The following FAM186B variants were observed in gnomAD, a reference collection of about 807,000 sequenced individuals.
The protein encoded by FAM186B is family with sequence similarity 186 member B.
FAM186B carries 68 observed loss-of-function variants against 83.4 expected under a neutral mutation model. The observed-to-expected ratio is 0.81, with a 90% confidence interval of 0.67 to 1.00. The LOEUF is 1.00. Among genes scored for constraint, FAM186B ranks in the 50% least tolerant of loss-of-function variants. The probability of loss-of-function intolerance (pLI) is 0.00; values close to 1 mark genes in which losing one functional copy is unlikely to be tolerated. For missense variants in FAM186B, 983 were observed against 1,099.2 expected (o/e 0.89, Z 1.49); for synonymous variants, 389 against 422.0 (o/e 0.92, Z 0.96).
rs150528924 is a variant in FAM186B at position 49,587,661 on chromosome 12, G to A, written c.2626C>T (p.Arg876Trp). The A allele has an allele frequency of 9.9e-5, 160 of 1,613,606 alleles. 1 individual carries two copies. The Middle Eastern group carries it at 1.6e-3, about 17-fold the overall frequency. The part of the protein sequence containing the change: ...IEKKTPASLP[R>W]DQLRGHPDIP... Reference sequence around the variant, plus strand: ...TCTGGGTGTCCCCTCAGCTGGTCCCGGGGAAGGCTGGCAGGGGTCTTTTTT... The same window carrying A: ...TCTGGGTGTCCCCTCAGCTGGTCCCAGGGAAGGCTGGCAGGGGTCTTTTTT... The change falls in exon 7 of 7, where the codon CGG becomes TGG. Residue 876 changes from arginine to tryptophan, a missense_variant. Transcript: ENST00000257894.
In FAM186B at chr12:49,599,804, A is replaced by G; in HGVS notation, c.1836T>C (p.Ser612=). The G allele has an allele frequency of 2.5e-6, 4 of 1,613,454 alleles. No homozygotes were observed. In the South Asian group the frequency reaches 3.3e-5, roughly 13 times the overall value. The change falls in exon 4 of 7, where the codon AGT becomes AGC. Residue 612 remains serine, a synonymous_variant. Coordinates refer to ENST00000257894, the MANE Select transcript of FAM186B (RefSeq NM_032130.3). The part of the protein sequence containing the change: ...QPALGKQRPM[S]SVEFTYRPRT... ...GTGGTCTGTAGGTAAACTCCACTGA[A>G]CTCATAGGTCTCTGCTTTCCCAGGG...
Position 49,604,311 on chromosome 12 carries a change from AC to A in FAM186B, c.322+1del. ...GGCACGGTGCCCAGCCTGCAAACTC[AC>A]CCCAGTCACCCAGCCAGCGGAGAAT... is the stretch of plus-strand genomic sequence containing the variant. On this transcript the variant is annotated splice_donor_variant, in intron 2 of 6. Transcript: ENST00000257894. LOFTEE classifies it high-confidence loss of function. 1 of 1,611,992 alleles carries A rather than the reference AC, an allele frequency of 6.2e-7. No homozygotes were observed. Among genetic ancestry groups the A allele is most frequent in the East Asian group, 2.2e-5 (1 of 44,856 alleles).
the FAM186B span, among the ~76,000 whole-genome samples, chr12:49,616,779 A>G: frequency 1.3e-5 from 2 of 152,240 alleles, no homozygotes; most frequent in Non-Finnish European, 2.9e-5. Flanking sequence ...GATGATGGTG[A>G]TGGTCACATG....
the FAM186B span, among the ~76,000 whole-genome samples, chr12:49,617,097 G>T: frequency 6.6e-6 from 1 of 152,156 alleles, no homozygotes; most frequent in African/African-American, 2.4e-5. Context: ...GCAGCTTGGT[G>T]GCCGGCTACA....
the FAM186B span, among the ~76,000 whole-genome samples, chr12:49,617,331 G>A: frequency 6.6e-6 from 1 of 152,172 alleles, no homozygotes; most frequent in African/African-American, 2.4e-5. Context: ...GACGGCTCGA[G>A]CCCAGAAGTT....
At chr12:49,592,952 T>G (rs1240364714) in intron 5 of FAM186B, among the ~76,000 whole-genome samples, 1 of 152,070 alleles carries the variant, frequency 6.6e-6, no homozygotes, top group East Asian at 1.9e-4. Flanking sequence ...GAAGAGCAAA[T>G]TATATATTTA....
chr12:49,598,705 T>C, intron 5 of FAM186B, 50 bp downstream of exon 5: 1 of 1,543,494 alleles, frequency 6.5e-7, no homozygotes, highest in Non-Finnish European at 8.8e-7. Flanking sequence ...CGACTGGCTG[T>C]GCTGACCCCA....
At chr12:49,583,093 A>T (rs1939370265), downstream of FAM186B, 1 of 456,206 alleles carries the variant, frequency 2.2e-6, no homozygotes, top group Non-Finnish European at 4.4e-6. Context: ...AGGCCCCTTA[A>T]GCACAGTGCC....
At chr12:49,595,130 AATT>A in intron 5 of FAM186B, 1 of 396,732 alleles carries the variant, frequency 2.5e-6, no homozygotes, top group African/African-American at 2.1e-5. Flanking sequence ...CTGAGTTTTA[AATT>A]ATTATTTTGA....
At chr12:49,584,281 T>A (rs1357746152), downstream of FAM186B, 1 of 537,426 alleles carries the variant, frequency 1.9e-6, no homozygotes, top group Non-Finnish European at 3.3e-6. Context: ...GACAGAATTT[T>A]AAAATAAACC....
At chr12:49,595,553 G>T in intron 5 of FAM186B, 1 of 445,238 alleles carries the variant, frequency 2.2e-6, no homozygotes. Context: ...TCTGAGAATC[G>T]TGTGGAAAAG....
At chr12:49,588,338 G>T in intron 6 of FAM186B, 116 bp downstream of exon 6, 2 of 1,283,562 alleles carry the variant, frequency 1.6e-6, no homozygotes, top group Non-Finnish European at 2.1e-6. Flanking sequence ...CAACTCGTAG[G>T]GTGATATTGG....
At chr12:49,607,554 A>G (rs1269654415), upstream of FAM186B, among the ~76,000 whole-genome samples, 2 of 152,176 alleles carry the variant, frequency 1.3e-5, no homozygotes, top group East Asian at 3.8e-4. Context: ...CCCTCAAAGA[A>G]AACTCCAGCC....
the FAM186B span, among the ~76,000 whole-genome samples, chr12:49,621,554 C>T: frequency 6.6e-6 from 1 of 152,092 alleles, no homozygotes; most frequent in East Asian, 1.9e-4. Context: ...TCTGCTATAT[C>T]TAGATATTCT....
chr12:49,601,624 T>A (rs945560713), intron 3 of FAM186B, among the ~76,000 whole-genome samples: 2 of 151,914 alleles, frequency 1.3e-5, no homozygotes, highest in Non-Finnish European at 2.9e-5. Flanking sequence ...GTTTTATGTT[T>A]TTTTTTTTTA....
At chr12:49,602,962 T>G (rs1565812704) in intron 3 of FAM186B, among the ~76,000 whole-genome samples, 1 of 152,198 alleles carries the variant, frequency 6.6e-6, no homozygotes, top group Non-Finnish European at 1.5e-5. Context: ...ACCAGAGACC[T>G]GTCTCCACAT....
chr12:49,619,146 C>G, the FAM186B span, among the ~76,000 whole-genome samples: 1 of 152,208 alleles, frequency 6.6e-6, no homozygotes, highest in Admixed American at 6.5e-5. Context: ...TGAAAAATGA[C>G]AACAGCAAAA....
intron 4 of FAM186B, 110 bp downstream of exon 4, chr12:49,599,359 G>T (rs962940000): frequency 7.1e-7 from 1 of 1,411,680 alleles, no homozygotes; most frequent in Non-Finnish European, 9.3e-7. Flanking sequence ...CAGGCCTGGG[G>T]TGGCTCTCCC....
upstream of FAM186B, among the ~76,000 whole-genome samples, chr12:49,610,478 A>C (rs946661573): frequency 6.6e-6 from 1 of 152,226 alleles, no homozygotes; most frequent in Non-Finnish European, 1.5e-5. Flanking sequence ...CTTGAAAATA[A>C]ATCAGTCAGA....
Sources: gnomAD v4.1 joint callset for allele counts (sites outside exome capture counted in the v4.1 genomes callset) on GRCh38, gnomAD v4.1.1 for gene constraint, MANE v1.5 for transcripts, NCBI Gene and HGNC (gene_info 2026-07-23, HGNC 2026-07-21) for gene names.